TSEN2: variants seen among roughly 807,000 people sequenced by gnomAD.
The protein encoded by TSEN2 is tRNA splicing endonuclease subunit 2, also known as tRNA-splicing endonuclease subunit Sen2.
TSEN2 carries 54 observed loss-of-function variants against 59.2 expected under a neutral mutation model. That is an observed-to-expected ratio of 0.91 (90% CI 0.73 to 1.14). The LOEUF (loss-of-function observed/expected upper bound fraction) is 1.14, where lower values mean the gene tolerates loss of function less well. TSEN2 is among the 50% of genes most tolerant of loss of function. TSEN2 has a pLI of 0.00. For missense variants in TSEN2, 636 were observed against 576.2 expected (o/e 1.10, Z -1.06); for synonymous variants, 195 against 198.2 (o/e 0.98, Z 0.14).
intron 4 of TSEN2, among the ~76,000 whole-genome samples, chr3:12,499,964 G>T (rs145123461): frequency 1.9e-3 from 284 of 152,298 alleles, no homozygotes; most frequent in African/African-American, 6.6e-3. Flanking sequence ...TACAACAATA[G>T]GGAACGGTGC....
In TSEN2 at chr3:12,529,865, G is replaced by T; in HGVS notation, c.1240G>T (p.Val414Phe). 6.2e-7 allele frequency: 1 copy of T among 1,613,818 alleles called. No homozygotes were observed. Among genetic ancestry groups the T allele is most frequent in the South Asian group, 1.1e-5 (1 of 91,042 alleles). ...TGCCTTGAGCAGAGTTTCCGTTAATGTCTCTAAGGTAACACAACATCAGCT... is the reference window on the plus strand; with the variant it reads ...TGCCTTGAGCAGAGTTTCCGTTAATTTCTCTAAGGTAACACAACATCAGCT... ...LAALSRVSVNVSKELMLCYLI... is the reference protein window; with the variant it reads ...LAALSRVSVNFSKELMLCYLI... The change falls in exon 10 of 12, where the codon GTC becomes TTC. Residue 414 changes from valine to phenylalanine, a missense_variant. Transcript: ENST00000284995.
At chr3:12,521,657 G>T (rs2056644355) in intron 8 of TSEN2, among the ~76,000 whole-genome samples, 1 of 152,062 alleles carries the variant, frequency 6.6e-6, no homozygotes, top group Non-Finnish European at 1.5e-5. Context: ...AGAGGTTGCA[G>T]TGAGCCAAGA....
intron 5 of TSEN2, among the ~76,000 whole-genome samples, chr3:12,504,089 C>T (rs1056820530): frequency 2.6e-5 from 4 of 152,110 alleles, no homozygotes; most frequent in Non-Finnish European, 5.9e-5. Flanking sequence ...GAAGGGCTCA[C>T]GTGTGGAAGT....
chr3:12,503,725 G>T lies in TSEN2; in HGVS notation c.772G>T (p.Val258Leu), dbSNP rs747066221. 4 of 1,614,066 alleles carry T rather than the reference G, an allele frequency of 2.5e-6. No individual in the cohort carries two copies. The highest frequency in any genetic ancestry group is 1.1e-5 in the South Asian group (1 of 91,066). Residue 258 changes from valine to leucine, a missense_variant, in exon 5 of 12, where the codon GTG becomes TTG. By Grantham distance (32) the Val-to-Leu change is conservative. Coordinates refer to ENST00000284995, the MANE Select transcript of TSEN2 (RefSeq NM_025265.4). Reference protein sequence around the residue: ...PGDRGPDHEYVLVEEAECAMS... With the variant: ...PGDRGPDHEYLLVEEAECAMS... ...GGACAGAGGGCCTGACCATGAGTAC[G>T]TGCTGGTCGAGGAAGCGGAGTGTGC... is the stretch of plus-strand genomic sequence containing the variant.
intron 8 of TSEN2, among the ~76,000 whole-genome samples, chr3:12,523,848 C>G (rs2056868209): frequency 6.6e-6 from 1 of 151,674 alleles, no homozygotes; most frequent in African/African-American, 2.4e-5. Context: ...GCCTTTGATT[C>G]ATTTCTAAGC....
At chr3:12,505,342 T>A in intron 6 of TSEN2, 111 bp downstream of exon 6, 1 of 761,310 alleles carries the variant, frequency 1.3e-6, no homozygotes, top group Non-Finnish European at 2.4e-6. Context: ...TATTGAATAT[T>A]GTAATTCAGT....
intron 6 of TSEN2, among the ~76,000 whole-genome samples, chr3:12,510,795 T>A (rs1156378291): frequency 6.6e-6 from 1 of 152,186 alleles, no homozygotes; most frequent in African/African-American, 2.4e-5. Context: ...CTGCAATAGG[T>A]CAGTGACTTT....
chr3:12,488,680 T>C (rs941664664), intron 1 of TSEN2, among the ~76,000 whole-genome samples: 2 of 152,256 alleles, frequency 1.3e-5, no homozygotes, highest in African/African-American at 4.8e-5. Flanking sequence ...GAGGGACACG[T>C]ACTGGCTTTG....
chr3:12,494,119 C>T (rs942465228), intron 3 of TSEN2, among the ~76,000 whole-genome samples: 3 of 152,142 alleles, frequency 2.0e-5, no homozygotes, highest in African/African-American at 7.2e-5. Flanking sequence ...CTTAACAATA[C>T]GCTGACAAAA....
At position 12,490,203 on chromosome 3, in the gene TSEN2, C is replaced by G. The variant is rs540637909; in HGVS notation, c.189+214C>G. On this transcript the variant is annotated intron_variant, in intron 2 of 11. Transcript: ENST00000284995. ...GAATGACAGATGGAGCACCCCTGCC[C>G]ACAAACCTTTATTTCAGTGATGAAG... Among the ~76,000 whole-genome samples the G allele has an allele frequency of 5.3e-5, 8 of 152,312 alleles. No homozygotes were observed. In the East Asian group the frequency reaches 1.3e-3, roughly 26 times the overall value.
At chr3:12,532,602 G>C (rs2057533192) in intron 11 of TSEN2, 60 bp from the exon 12 acceptor site, 2 of 1,535,260 alleles carry the variant, frequency 1.3e-6, no homozygotes, top group Non-Finnish European at 1.8e-6. Flanking sequence ...GTCAGCTGTG[G>C]TGTCAGAATG....
chr3:12,481,077 T>C (rs2052187893), upstream of TSEN2, among the ~76,000 whole-genome samples: 1 of 152,214 alleles, frequency 6.6e-6, no homozygotes, highest in Non-Finnish European at 1.5e-5. Context: ...CAATAAATTG[T>C]CACTAGGGTG....
At chr3:12,516,977 C>T (rs2056188445) in intron 7 of TSEN2, among the ~76,000 whole-genome samples, 1 of 152,168 alleles carries the variant, frequency 6.6e-6, no homozygotes, top group Non-Finnish European at 1.5e-5. Flanking sequence ...CCGTATTTGG[C>T]ACCTACTATG....
intron 3 of TSEN2, 136 bp from the exon 4 acceptor site, chr3:12,496,382 C>A (rs1430275316): frequency 2.3e-6 from 2 of 887,638 alleles, no homozygotes. Context: ...CATATTTTTG[C>A]CATTACTGAC....
At chr3:12,523,651 T>C (rs1394035213) in intron 8 of TSEN2, among the ~76,000 whole-genome samples, 1 of 149,520 alleles carries the variant, frequency 6.7e-6, no homozygotes, top group Non-Finnish European at 1.5e-5. Flanking sequence ...ACCATTCTCC[T>C]GCCTCAGCTT....
downstream of TSEN2, among the ~76,000 whole-genome samples, chr3:12,536,515 A>G (rs2057675566): frequency 6.6e-6 from 1 of 152,086 alleles, no homozygotes; most frequent in Non-Finnish European, 1.5e-5. Context: ...GAAACTTGGG[A>G]TTTCATCTGG....
chr3:12,518,120 G>C (rs1342855598), intron 7 of TSEN2, among the ~76,000 whole-genome samples: 3 of 152,106 alleles, frequency 2.0e-5, no homozygotes, highest in Admixed American at 2.0e-4. Context: ...TTTTGGTAAT[G>C]ATACATCAGA....
chr3:12,480,475 T>TTTTTATA (rs2052178242), upstream of TSEN2, among the ~76,000 whole-genome samples: 1 of 152,054 alleles, frequency 6.6e-6, no homozygotes, highest in Non-Finnish European at 1.5e-5. Flanking sequence ...TGTTGGTTAT[T>TTTTTATA]TTTTATATTT....
intron 3 of TSEN2, among the ~76,000 whole-genome samples, chr3:12,495,617 A>G (rs756004808): frequency 6.6e-6 from 1 of 152,246 alleles, no homozygotes; most frequent in Non-Finnish European, 1.5e-5. Flanking sequence ...AATGCTGCTT[A>G]GTAAACCATC....
Sources: gnomAD v4.1 joint callset for allele counts (sites outside exome capture counted in the v4.1 genomes callset) on GRCh38, gnomAD v4.1.1 for gene constraint, MANE v1.5 for transcripts, NCBI Gene and HGNC (gene_info 2026-07-23, HGNC 2026-07-21) for gene names.